MMP16: variants seen among roughly 807,000 people sequenced by gnomAD.
MMP16 encodes matrix metalloproteinase-16.
Under a neutral mutation model 67.8 loss-of-function variants are expected in MMP16, and 12 were observed. The ratio of observed to expected loss-of-function variants is 0.18; its 90% CI spans 0.11 to 0.29. MMP16 has a LOEUF of 0.29. Ranked by LOEUF, MMP16 falls within the 10% of genes least tolerant of loss-of-function variation. The pLI is 1.00. For missense variants in MMP16, 475 were observed against 765.7 expected (o/e 0.62, Z 4.48); for synonymous variants, 249 against 255.9 (o/e 0.97, Z 0.26).
intron 6 of MMP16, among the ~76,000 whole-genome samples, chr8:88,083,561 C>T (rs993966644): frequency 6.6e-5 from 10 of 151,936 alleles, no homozygotes; most frequent in Non-Finnish European, 1.2e-4. Flanking sequence ...TTTAAGAGTT[C>T]GAGAGTAGTA....
At chr8:88,270,878 C>G (rs561265380) in intron 1 of MMP16, among the ~76,000 whole-genome samples, 3 of 152,210 alleles carry the variant, frequency 2.0e-5, no homozygotes, top group Non-Finnish European at 4.4e-5. Context: ...TTACTTTAAT[C>G]GCAACCCAAA....
At chr8:88,068,582 GTTTGT>G (rs972494055) in intron 7 of MMP16, among the ~76,000 whole-genome samples, 19 of 151,852 alleles carry the variant, frequency 1.3e-4, no homozygotes, top group Non-Finnish European at 8.8e-5. Context: ...TGAATTGGAG[GTTTGT>G]TTTGTTTTGT....
At chr8:88,096,928 T>C (rs1273886143) in intron 6 of MMP16, among the ~76,000 whole-genome samples, 1 of 151,938 alleles carries the variant, frequency 6.6e-6, no homozygotes, top group Non-Finnish European at 1.5e-5. Context: ...TGTAGACAGA[T>C]TTCTCTCAAT....
chr8:88,244,014 G>A (rs1415224741), intron 1 of MMP16, among the ~76,000 whole-genome samples: 1 of 148,050 alleles, frequency 6.8e-6, no homozygotes, highest in Non-Finnish European at 1.5e-5. Flanking sequence ...TTTTATTAAA[G>A]GTAACAATAA....
In MMP16 at chr8:88,035,663, T is replaced by C. The variant is rs992439573; in HGVS notation, c.*5798A>G. The C allele has an allele frequency of 1.3e-5, 2 of 151,974 alleles. No homozygotes were observed. Among genetic ancestry groups the C allele is most frequent in the Non-Finnish European group, 2.9e-5 (2 of 67,890 alleles). The allele number at this position is 151,974 out of a possible 1,614,324, so 9.4% of individuals were successfully genotyped here. On this transcript the variant is annotated 3_prime_UTR_variant, in exon 10 of 10. Transcript: ENST00000286614. This position sits in a 1 kb window ranked among gnomAD's most constrained non-coding sequence, Gnocchi z 4.7. ...AAATAAATAATATTGTTCTAATAAA[T>C]GATGCATGTCACGTCCAGTTATAAG...
At chr8:88,251,970 C>T (rs375809087) in intron 1 of MMP16, among the ~76,000 whole-genome samples, 2,001 of 112,066 alleles carry the variant, frequency 0.018, 20 homozygotes, top group South Asian at 0.028. Context: ...GTTAGAATGG[C>T]GATCATTAAA....
intron 1 of MMP16, among the ~76,000 whole-genome samples, chr8:88,280,790 CA>C (rs1807326610): frequency 6.6e-6 from 1 of 152,048 alleles, no homozygotes; most frequent in African/African-American, 2.4e-5. Context: ...GAGGCTGAGA[CA>C]GGAGGACTGC....
In MMP16 at chr8:88,037,038, T is replaced by C. The variant is rs1327021785; in HGVS notation, c.*4423A>G. On this transcript the variant is annotated 3_prime_UTR_variant, in exon 10 of 10. Transcript: ENST00000286614. ...CTTATAACATCCATTCCTCTTCAGA[T>C]AGCACTTTGAGTTTAGTTAATATGG... 6.6e-6 allele frequency: 1 copy of C among 151,298 alleles called. No homozygotes were observed. The highest frequency in any genetic ancestry group is 1.5e-5 in the Non-Finnish European group (1 of 67,678). The allele number at this position is 151,298 out of a possible 1,614,324, so 9.4% of individuals were successfully genotyped here.
intron 1 of MMP16, among the ~76,000 whole-genome samples, chr8:88,224,612 G>T (rs1809739018): frequency 6.6e-6 from 1 of 151,672 alleles, no homozygotes; most frequent in Non-Finnish European, 1.5e-5. Context: ...GCAGACTATT[G>T]GAAACAAGAA....
intron 2 of MMP16, 137 bp downstream of exon 2, chr8:88,197,021 T>C: frequency 1.3e-6 from 1 of 781,952 alleles, no homozygotes; most frequent in Non-Finnish European, 2.0e-6. Context: ...TGGGGTTAAA[T>C]TAGGTTATAT....
chr8:88,138,190 T>A (rs936134225), intron 4 of MMP16, among the ~76,000 whole-genome samples: 4 of 151,960 alleles, frequency 2.6e-5, no homozygotes, highest in Non-Finnish European at 4.4e-5. Context: ...TGGATAATAT[T>A]TTCATCTATA....
chr8:88,241,054 T>A (rs1810025341), intron 1 of MMP16, among the ~76,000 whole-genome samples: 1 of 152,046 alleles, frequency 6.6e-6, no homozygotes, highest in African/African-American at 2.4e-5. Context: ...TTCTTTCTAA[T>A]GTAGCATCTG....
In MMP16 at chr8:88,186,602, C is replaced by CAA. The variant is rs4043665; in HGVS notation, c.282-6_282-5dup. On this transcript the variant is annotated splice_region_variant and splice_polypyrimidine_tract_variant and intron_variant, in intron 2 of 9. Coordinates refer to ENST00000286614, the MANE Select transcript of MMP16 (RefSeq NM_005941.5). ...GCATCGGGGCTTCTTCATCCAGCTG[C>CAA]AAAAAAAAAAAAAAAAAAAAAAAAG... is the stretch of plus-strand genomic sequence containing the variant. 4.0e-3 allele frequency: 4,625 copies of CAA among 1,161,742 alleles called. 4 individuals carry two copies. Among genetic ancestry groups the CAA allele is most frequent in the Middle Eastern group, 8.0e-3 (23 of 2,884 alleles). 72.0% of individuals were successfully genotyped at this position (1,161,742 alleles called of 1,614,324 possible).
At chr8:88,310,582 C>T (rs1248544053) in intron 1 of MMP16, among the ~76,000 whole-genome samples, 1 of 152,068 alleles carries the variant, frequency 6.6e-6, no homozygotes, top group Non-Finnish European at 1.5e-5. Context: ...ATCTAAGGAG[C>T]ACTCTACTTG....
intron 4 of MMP16, among the ~76,000 whole-genome samples, chr8:88,157,521 T>C (rs1374727955): frequency 1.3e-5 from 2 of 151,950 alleles, no homozygotes; most frequent in African/African-American, 2.4e-5. Context: ...CTGAGGCAAC[T>C]TCCGAAGTCA....
chr8:88,309,464 G>A (rs1187956055), intron 1 of MMP16, among the ~76,000 whole-genome samples: 1 of 151,818 alleles, frequency 6.6e-6, no homozygotes, highest in Non-Finnish European at 1.5e-5. Flanking sequence ...GGAACTGTGT[G>A]TGTCTAGAAA....
intron 1 of MMP16, among the ~76,000 whole-genome samples, chr8:88,291,649 T>C (rs1448381613): frequency 1.3e-5 from 2 of 152,098 alleles, no homozygotes; most frequent in East Asian, 1.9e-4. Flanking sequence ...AAAAATATAA[T>C]TGAGGTGAAC....
chr8:88,203,899 GAAAC>G (rs1273544878), intron 1 of MMP16, among the ~76,000 whole-genome samples: 4 of 152,124 alleles, frequency 2.6e-5, no homozygotes, highest in African/African-American at 7.2e-5. Flanking sequence ...TGGGATATGA[GAAAC>G]AAAAATCTTT....
intron 1 of MMP16, among the ~76,000 whole-genome samples, chr8:88,208,745 CAT>C (rs1322990466): frequency 7.0e-6 from 1 of 142,266 alleles, no homozygotes; most frequent in Non-Finnish European, 1.5e-5. Context: ...TGTGTACACA[CAT>C]GTTGTGCATG....
Sources: gnomAD v4.1 joint callset for allele counts (sites outside exome capture counted in the v4.1 genomes callset) on GRCh38, gnomAD v4.1.1 for gene constraint, Gnocchi (gnomAD v3.1) non-coding constraint, MANE v1.5 for transcripts, NCBI Gene and HGNC (gene_info 2026-07-23, HGNC 2026-07-21) for gene names.